Variants in SH3BP5 observed in about 807,000 individuals in gnomAD.
SH3BP5 encodes the protein SH3 domain binding protein 5.
SH3BP5 carries 22 observed loss-of-function variants against 43.3 expected under a neutral mutation model. The observed-to-expected ratio is 0.51, with a 90% confidence interval of 0.36 to 0.73. SH3BP5 has a LOEUF of 0.73. SH3BP5 is among the 30% of genes least tolerant of loss of function. The pLI is 0.00. For synonymous variants in SH3BP5, 255 were observed against 225.8 expected, an observed-to-expected ratio of 1.13 and a Z score of -1.16; for missense variants, 529 against 586.9, an observed-to-expected ratio of 0.90 and a Z score of 1.02.
chr3:15,327,292 C>G (rs989828453), intron 2 of SH3BP5, among the ~76,000 whole-genome samples: 1 of 152,022 alleles, frequency 6.6e-6, no homozygotes, highest in African/African-American at 2.4e-5. Context: ...CCCAGCTACT[C>G]GGGAGGCTGA....
At chr3:15,310,786 A>T (rs557685845) in intron 2 of SH3BP5, among the ~76,000 whole-genome samples, 1 of 152,196 alleles carries the variant, frequency 6.6e-6, no homozygotes, top group African/African-American at 2.4e-5. Flanking sequence ...GGTGACTCAG[A>T]CTGAAGGTAA....
intron 3 of SH3BP5, among the ~76,000 whole-genome samples, chr3:15,290,139 C>CCGTG (rs1242146802): frequency 1.3e-5 from 2 of 152,140 alleles, no homozygotes; most frequent in Non-Finnish European, 2.9e-5. Flanking sequence ...CGGTGGCTCA[C>CCGTG]ACCTGTAATC....
chr3:15,317,612 T>C (rs542434187), intron 2 of SH3BP5, among the ~76,000 whole-genome samples: 2 of 152,318 alleles, frequency 1.3e-5, no homozygotes, highest in African/African-American at 2.4e-5. Context: ...ATTCAAGTAT[T>C]GTTTCAACAA....
chr3:15,292,000 A>G (rs571370649), intron 3 of SH3BP5, among the ~76,000 whole-genome samples: 2 of 152,300 alleles, frequency 1.3e-5, no homozygotes, highest in South Asian at 2.1e-4. Flanking sequence ...GCCGGGGCCC[A>G]AACCTCGTCA....
intron 3 of SH3BP5, among the ~76,000 whole-genome samples, chr3:15,295,446 C>T (rs1697541999): frequency 6.6e-6 from 1 of 152,152 alleles, no homozygotes; most frequent in Non-Finnish European, 1.5e-5. Flanking sequence ...CCTTTTAGTG[C>T]TGTGTTTTTG....
intron 3 of SH3BP5, among the ~76,000 whole-genome samples, chr3:15,280,185 C>G (rs954061771): frequency 2.6e-5 from 4 of 152,166 alleles, no homozygotes; most frequent in African/African-American, 9.7e-5. Flanking sequence ...CAAATCAAAT[C>G]CTTCCTGTTG....
At chr3:15,259,124 A>G (rs777260495) in intron 6 of SH3BP5, 74 bp from the exon 7 acceptor site, 18 of 1,232,418 alleles carry the variant, frequency 1.5e-5, no homozygotes, top group Non-Finnish European at 2.1e-5. Flanking sequence ...GACAGGTTCA[A>G]GTACATTTTC....
rs781119492 is a variant in SH3BP5, at chr3:15,316,862, C to G, written c.202-12631G>C. Among the ~76,000 whole-genome samples, 9 of 152,284 alleles carry G rather than the reference C, an allele frequency of 5.9e-5. No individual in the cohort carries two copies. In the East Asian group the frequency reaches 1.4e-3, roughly 23 times the overall value. On this transcript the variant is annotated intron_variant, in intron 2 of 8. Coordinates refer to ENST00000383791, the MANE Select transcript of SH3BP5 (RefSeq NM_004844.5). ...GGATGGACTGAAGTTACATAACAAC[C>G]CTGCATGCACATAAGCAAGAACGTG...
rs1220030050 is a variant in SH3BP5, at chr3:15,256,244, G to C, written c.1210C>G (p.Leu404Val). 15 of 1,614,090 alleles carry C rather than the reference G, an allele frequency of 9.3e-6. No homozygotes were observed. Among genetic ancestry groups the C allele is most frequent in the Non-Finnish European group, 1.3e-5 (15 of 1,180,046 alleles). ...TSDKANNNRGLSSSSGSGGSS... is the reference protein window; with the variant it reads ...TSDKANNNRGVSSSSGSGGSS... ...CCACCACTGCCACTGCTACTGCTGA[G>C]GCCCCGGTTGTTGTTGGCTTTGTCA... Residue 404 changes from leucine to valine, a missense_variant, in exon 9 of 9, where the codon CTC becomes GTC. This residue lies in a region of SH3BP5 where 369 missense variants were observed against 384.3 expected (regional missense o/e 0.96). Coordinates refer to ENST00000383791, the MANE Select transcript of SH3BP5 (RefSeq NM_004844.5).
chr3:15,335,160 C>T (rs759810247), upstream of SH3BP5, among the ~76,000 whole-genome samples: 1 of 151,636 alleles, frequency 6.6e-6, no homozygotes, highest in African/African-American at 2.4e-5. Flanking sequence ...TTTGGGAGGC[C>T]GAGGCAGGTG....
At chr3:15,329,400 A>G (rs1053872978) in intron 2 of SH3BP5, among the ~76,000 whole-genome samples, 6 of 152,212 alleles carry the variant, frequency 3.9e-5, no homozygotes, top group African/African-American at 7.2e-5. Context: ...AAAGAAATGT[A>G]AACAAACACA....
At chr3:15,318,518 TTC>T (rs1698238723) in intron 2 of SH3BP5, among the ~76,000 whole-genome samples, 1 of 147,760 alleles carries the variant, frequency 6.8e-6, no homozygotes, top group Non-Finnish European at 1.5e-5. Context: ...GTAGTTTAGT[TTC>T]TGTCAGCTCC....
intron 2 of SH3BP5, among the ~76,000 whole-genome samples, chr3:15,308,210 C>T (rs1045919805): frequency 4.6e-5 from 7 of 152,168 alleles, no homozygotes; most frequent in South Asian, 2.1e-4. Flanking sequence ...AACCCACCAA[C>T]GCTGCCTTTG....
At chr3:15,290,464 T>C (rs1363935143) in intron 3 of SH3BP5, among the ~76,000 whole-genome samples, 1 of 144,312 alleles carries the variant, frequency 6.9e-6, no homozygotes, top group Non-Finnish European at 1.5e-5. Context: ...AGATGGAGGT[T>C]GCAGTGAGCC....
At chr3:15,325,375 C>A (rs186268945) in intron 2 of SH3BP5, among the ~76,000 whole-genome samples, 2 of 152,354 alleles carry the variant, frequency 1.3e-5, no homozygotes, top group Admixed American at 1.3e-4. Context: ...TGGCACAAGG[C>A]CCCCTTGCTG....
chr3:15,300,223 T>C (rs1697697659), intron 3 of SH3BP5, among the ~76,000 whole-genome samples: 1 of 152,194 alleles, frequency 6.6e-6, no homozygotes, highest in Non-Finnish European at 1.5e-5. Flanking sequence ...TTCTAAATTT[T>C]CTACAATAAA....
chr3:15,313,668 G>A (rs796448440), intron 2 of SH3BP5, among the ~76,000 whole-genome samples: 13 of 152,354 alleles, frequency 8.5e-5, no homozygotes, highest in African/African-American at 2.4e-4. Flanking sequence ...AAGGGAGCAA[G>A]TGCTCTCCAG....
At chr3:15,280,774 C>T (rs904600931) in intron 3 of SH3BP5, among the ~76,000 whole-genome samples, 8 of 152,176 alleles carry the variant, frequency 5.3e-5, no homozygotes, top group African/African-American at 1.7e-4. Context: ...CCTCCCTGCA[C>T]GTCCACTCAC....
At chr3:15,334,598 T>G (rs909311788), upstream of SH3BP5, among the ~76,000 whole-genome samples, 8 of 151,528 alleles carry the variant, frequency 5.3e-5, no homozygotes, top group African/African-American at 1.9e-4. Context: ...ATATGACAAC[T>G]ATGTACATAT....
Sources: gnomAD v4.1 joint callset for allele counts (sites outside exome capture counted in the v4.1 genomes callset) on GRCh38, gnomAD v4.1.1 for gene constraint, gnomAD v4.1.1 regional missense constraint, MANE v1.5 for transcripts, NCBI Gene and HGNC (gene_info 2026-07-23, HGNC 2026-07-21) for gene names.